TMEM232: variants seen among roughly 807,000 people sequenced by gnomAD.
The protein encoded by TMEM232 is transmembrane protein 232.
TMEM232 carries 80 observed loss-of-function variants against 78.8 expected under a neutral mutation model. That is an observed-to-expected ratio of 1.01 (90% CI 0.85 to 1.22). TMEM232 has a LOEUF of 1.22. Ranked by LOEUF, TMEM232 falls within the 50% of genes most tolerant of loss-of-function variation. The pLI, the probability that TMEM232 is intolerant of heterozygous loss-of-function variation, is 0.00. For missense variants in TMEM232, 881 were observed against 742.2 expected (o/e 1.19, Z -2.17); for synonymous variants, 297 against 254.3 (o/e 1.17, Z -1.60).
intron 2 of TMEM232, among the ~76,000 whole-genome samples, chr5:110,410,208 G>A (rs933149483): frequency 1.3e-5 from 2 of 152,152 alleles, no homozygotes; most frequent in African/African-American, 2.4e-5. Flanking sequence ...TTTGAGTGTG[G>A]CCTTCCAATT....
chr5:110,636,901 C>G (rs1168246375), intron 5 of TMEM232, among the ~76,000 whole-genome samples: 1 of 151,900 alleles, frequency 6.6e-6, no homozygotes, highest in African/African-American at 2.4e-5. Context: ...AGGGCATGTG[C>G]AAAGTATAAG....
At chr5:110,506,368 A>G (rs1766905804) in intron 12 of TMEM232, among the ~76,000 whole-genome samples, 1 of 152,168 alleles carries the variant, frequency 6.6e-6, no homozygotes, top group Non-Finnish European at 1.5e-5. Context: ...ACAGATTAAT[A>G]TATTTTATGG....
chr5:110,471,395 T>C (rs1431761359), intron 12 of TMEM232, among the ~76,000 whole-genome samples: 1 of 152,052 alleles, frequency 6.6e-6, no homozygotes, highest in East Asian at 1.9e-4. Flanking sequence ...GAAATCCAGA[T>C]AGATGAAGCT....
At chr5:110,548,171 C>T (rs1774012847) in intron 11 of TMEM232, among the ~76,000 whole-genome samples, 1 of 151,276 alleles carries the variant, frequency 6.6e-6, no homozygotes, top group African/African-American at 2.4e-5. Flanking sequence ...AGGAAAGAAA[C>T]TTTTAAATAT....
intron 1 of TMEM232, among the ~76,000 whole-genome samples, chr5:110,718,305 C>T (rs1017122566): frequency 6.6e-6 from 1 of 152,092 alleles, no homozygotes; most frequent in Non-Finnish European, 1.5e-5. Context: ...AGAACTGTAT[C>T]CATACCAGGA....
At chr5:110,642,609 GAA>G (rs774457949) in intron 2 of TMEM232, among the ~76,000 whole-genome samples, 174 of 152,210 alleles carry the variant, frequency 1.1e-3, no homozygotes, top group Middle Eastern at 6.8e-3. Flanking sequence ...CGGCCCCTGA[GAA>G]AAAGTTTCTG....
At chr5:110,532,778 T>C (rs539443096) in intron 11 of TMEM232, among the ~76,000 whole-genome samples, 48 of 152,092 alleles carry the variant, frequency 3.2e-4, no homozygotes, top group South Asian at 2.3e-3. Flanking sequence ...GATCATGCAC[T>C]CCTTACCATC....
At chr5:110,443,889 G>C (rs1393803563) in intron 12 of TMEM232, among the ~76,000 whole-genome samples, 1 of 152,222 alleles carries the variant, frequency 6.6e-6, no homozygotes, top group East Asian at 1.9e-4. Context: ...CATGGGCTAG[G>C]GCCTCGAATG....
intron 2 of TMEM232, among the ~76,000 whole-genome samples, chr5:110,658,175 C>A (rs532465173): frequency 2.0e-5 from 3 of 152,268 alleles, no homozygotes; most frequent in Admixed American, 2.0e-4. Flanking sequence ...GATTTGGGGT[C>A]TGGGCTTTTG....
intron 1 of TMEM232, among the ~76,000 whole-genome samples, chr5:110,687,739 T>G (rs928926384): frequency 5.3e-5 from 8 of 151,884 alleles, no homozygotes; most frequent in Non-Finnish European, 1.0e-4. Context: ...TGTGTGTATA[T>G]ACACACACAC....
chr5:110,459,772 A>C (rs1761298570), intron 12 of TMEM232, among the ~76,000 whole-genome samples: 1 of 152,178 alleles, frequency 6.6e-6, no homozygotes, highest in African/African-American at 2.4e-5. Flanking sequence ...CCCCTTAACC[A>C]GGTGGCGAAA....
chr5:110,523,883 C>T (rs1365246700), intron 12 of TMEM232, among the ~76,000 whole-genome samples: 1 of 145,612 alleles, frequency 6.9e-6, no homozygotes, highest in African/African-American at 2.5e-5. Context: ...ATTGCTTGAG[C>T]CCAAGAGGTC....
chr5:110,491,423 A>T (rs1483829049), intron 12 of TMEM232, among the ~76,000 whole-genome samples: 1 of 152,018 alleles, frequency 6.6e-6, no homozygotes, highest in Non-Finnish European at 1.5e-5. Context: ...TCAAAAAGTT[A>T]AACTCTATGT....
chr5:110,430,192 G>C (rs115907843), intron 12 of TMEM232: 1 of 151,374 alleles, frequency 6.6e-6, no homozygotes, highest in Non-Finnish European at 1.5e-5. Flanking sequence ...AATATCATAA[G>C]TTCATGTTAC....
At chr5:110,607,985 T>G (rs1156790136) in intron 8 of TMEM232, among the ~76,000 whole-genome samples, 2 of 151,886 alleles carry the variant, frequency 1.3e-5, no homozygotes, top group African/African-American at 4.8e-5. Flanking sequence ...GCACTACTTG[T>G]CATGTGCAAT....
At chr5:110,389,774 A>G (rs1755113610) in intron 4 of TMEM232, among the ~76,000 whole-genome samples, 1 of 152,230 alleles carries the variant, frequency 6.6e-6, no homozygotes, top group Non-Finnish European at 1.5e-5. Flanking sequence ...GGAGCTTGGG[A>G]AAACACAGAC....
intron 1 of TMEM232, among the ~76,000 whole-genome samples, chr5:110,687,141 C>G (rs1034368918): frequency 1.8e-4 from 28 of 152,236 alleles, no homozygotes; most frequent in Middle Eastern, 3.4e-3. Flanking sequence ...AAAAATAACT[C>G]AGGGGAGTTT....
At chr5:110,686,422 A>G (rs1357757009) in intron 1 of TMEM232, among the ~76,000 whole-genome samples, 1 of 151,994 alleles carries the variant, frequency 6.6e-6, no homozygotes, top group Non-Finnish European at 1.5e-5. Context: ...GGCATGTGAG[A>G]GAGCCATTTT....
intron 11 of TMEM232, among the ~76,000 whole-genome samples, chr5:110,564,552 C>T (rs1185914634): frequency 2.6e-5 from 4 of 151,820 alleles, no homozygotes; most frequent in African/African-American, 4.8e-5. Context: ...GTAAGATAGA[C>T]CAATAATTTG....
Sources: allele counts gnomAD v4.1 joint callset (sites outside exome capture counted in the v4.1 genomes callset), GRCh38; gene constraint gnomAD v4.1.1; transcripts MANE v1.5; gene names NCBI Gene and HGNC (gene_info 2026-07-23, HGNC 2026-07-21).